The following SLC9A2 variants were observed in gnomAD, a reference collection of about 807,000 sequenced individuals.
SLC9A2 encodes solute carrier family 9 member A2, also known as sodium/hydrogen exchanger 2.
A neutral mutation model predicts 71.7 loss-of-function variants in SLC9A2; 42 were observed. The ratio of observed to expected loss-of-function variants is 0.59; its 90% CI spans 0.46 to 0.76. SLC9A2 has a LOEUF of 0.76. Among genes scored for constraint, SLC9A2 ranks in the 30% least tolerant of loss-of-function variants. The probability of loss-of-function intolerance (pLI) is 0.00; values close to 1 mark genes in which losing one functional copy is unlikely to be tolerated. For synonymous variants in SLC9A2, 396 were observed against 392.5 expected (o/e 1.01, Z -0.10); for missense variants, 829 against 1,017.4 (o/e 0.81, Z 2.52).
intron 2 of SLC9A2, among the ~76,000 whole-genome samples, chr2:102,659,138 G>T (rs1358219090): frequency 6.6e-6 from 1 of 152,038 alleles, no homozygotes; most frequent in African/African-American, 2.4e-5. Context: ...TACATAGTAG[G>T]CCGGGTGCAG....
At chr2:102,650,984 C>T (rs1169778746) in intron 1 of SLC9A2, among the ~76,000 whole-genome samples, 1 of 152,178 alleles carries the variant, frequency 6.6e-6, no homozygotes, top group Non-Finnish European at 1.5e-5. Context: ...TTCTGCCTTC[C>T]TATTGCTTTC....
chr2:102,694,617 A>G, intron 6 of SLC9A2, 114 bp downstream of exon 6: 1 of 481,548 alleles, frequency 2.1e-6, no homozygotes, highest in South Asian at 5.7e-5. Context: ...TGGCAGGGTG[A>G]GAGGGAGGAG....
rs1284938122 is a variant in SLC9A2, at chr2:102,632,130, A to G, written c.289+11993A>G. Among the ~76,000 whole-genome samples the G allele has an allele frequency of 1.6e-3, 151 of 95,534 alleles. 3 individuals carry two copies. The highest frequency in any genetic ancestry group is 6.1e-3 in the African/African-American group (148 of 24,278). The allele number at this position is 95,534 out of a possible 152,430, so 62.7% of individuals were successfully genotyped here. A position where few individuals can be genotyped will look rare whatever the true frequency, so the allele number is the denominator to read the frequency against. On this transcript the variant is annotated intron_variant, in intron 1 of 11. Transcript: ENST00000233969. ...TATATATGTATATATACATATATAC[A>G]TATATATGTATATATACATATATAC... is the stretch of plus-strand genomic sequence containing the variant.
chr2:102,624,806 G>A (rs1422767302), intron 1 of SLC9A2, among the ~76,000 whole-genome samples: 1 of 152,102 alleles, frequency 6.6e-6, no homozygotes, highest in African/African-American at 2.4e-5. Flanking sequence ...ATAATTTTAA[G>A]GGGAAAGATA....
intron 1 of SLC9A2, among the ~76,000 whole-genome samples, chr2:102,641,766 T>C (rs1676585784): frequency 6.6e-6 from 1 of 151,966 alleles, no homozygotes; most frequent in African/African-American, 2.4e-5. Flanking sequence ...CATTTCATGA[T>C]GGTGAGTGCT....
In SLC9A2 at chr2:102,694,240, G is replaced by A. The variant is rs1677711194; in HGVS notation, c.1426-174G>A. 2.0e-5 allele frequency among the ~76,000 whole-genome samples: 3 copies of A among 152,094 alleles called. No homozygotes were observed. In the South Asian group the frequency reaches 6.2e-4, roughly 32 times the overall value. On this transcript the variant is annotated intron_variant, in intron 5 of 11. Coordinates refer to ENST00000233969, the MANE Select transcript of SLC9A2 (RefSeq NM_003048.6). ...AAATTAACAAAAAGTTACATTTACT[G>A]TGTTAAATCTTGGTAGCCAAATATC...
At chr2:102,646,239 G>C (rs536140520) in intron 1 of SLC9A2, among the ~76,000 whole-genome samples, 2 of 152,168 alleles carry the variant, frequency 1.3e-5, no homozygotes, top group Non-Finnish European at 2.9e-5. Context: ...ATCCTTTATA[G>C]ACAAGCAAAT....
chr2:102,634,511 A>T (rs1558702345), intron 1 of SLC9A2, among the ~76,000 whole-genome samples: 2 of 152,218 alleles, frequency 1.3e-5, no homozygotes, highest in Admixed American at 1.3e-4. Flanking sequence ...AAATGTGGAT[A>T]GCCTTGAAGG....
chr2:102,684,192 G>A lies in SLC9A2; in HGVS notation c.1281G>A (p.Lys427=). 5 of 1,614,104 alleles carry A rather than the reference G, an allele frequency of 3.1e-6. No homozygotes were observed. The highest frequency in any genetic ancestry group is 4.2e-6 in the Non-Finnish European group (5 of 1,179,972). The change falls in exon 5 of 12, where the codon AAG becomes AAA. Residue 427 remains lysine, a synonymous_variant. Transcript: ENST00000233969. ...TCCGGACCATTCCCCTGACCTTTAA[G>A]GACCAGTTCATCATTGCCTATGGAG... ...NRFRTIPLTF[K]DQFIIAYGGL...
chr2:102,670,671 C>T (rs575640754), intron 3 of SLC9A2, among the ~76,000 whole-genome samples: 56 of 148,016 alleles, frequency 3.8e-4, no homozygotes, highest in African/African-American at 6.5e-4. Context: ...AAATTTGTAA[C>T]GGGAATTTCC....
In SLC9A2 at chr2:102,688,538, G is replaced by T. The variant is rs187292907; in HGVS notation, c.1425+4202G>T. Among the ~76,000 whole-genome samples, 457 of 152,274 alleles carry T rather than the reference G, an allele frequency of 3.0e-3. 1 individual carries two copies. The highest frequency in any genetic ancestry group is 0.011 in the African/African-American group (437 of 41,570). On this transcript the variant is annotated intron_variant, in intron 5 of 11. Transcript: ENST00000233969. ...AGGTCAGGAGATCAAGACCATTCTG[G>T]CCAACATGGTGAAACCCTGTCTCTA... is the stretch of plus-strand genomic sequence containing the variant.
intron 9 of SLC9A2, among the ~76,000 whole-genome samples, chr2:102,703,342 C>T (rs1677910960): frequency 6.6e-6 from 1 of 152,198 alleles, no homozygotes; most frequent in African/African-American, 2.4e-5. Context: ...ATCTGCCTCA[C>T]CCATCTGCTC....
At chr2:102,684,024 C>T in intron 4 of SLC9A2, 110 bp from the exon 5 acceptor site, 1 of 754,172 alleles carries the variant, frequency 1.3e-6, no homozygotes, top group African/African-American at 1.8e-5. Flanking sequence ...ACTTTGGGGC[C>T]TATTCTTAAA....
intron 1 of SLC9A2, among the ~76,000 whole-genome samples, chr2:102,636,073 C>T (rs1327018192): frequency 6.6e-6 from 1 of 151,960 alleles, no homozygotes; most frequent in African/African-American, 2.4e-5. Flanking sequence ...TTTAATGGAA[C>T]GTAATAATTA....
chr2:102,656,838 T>C (rs936314824), intron 1 of SLC9A2, among the ~76,000 whole-genome samples: 2 of 152,202 alleles, frequency 1.3e-5, no homozygotes, highest in Admixed American at 1.3e-4. Flanking sequence ...CCTTGCCTAC[T>C]CATTAGGGTT....
At chr2:102,684,057 C>G in intron 4 of SLC9A2, 77 bp from the exon 5 acceptor site, 1 of 1,063,830 alleles carries the variant, frequency 9.4e-7, no homozygotes, top group Non-Finnish European at 1.4e-6. Context: ...ATCGCAGAAG[C>G]ACAGAAAATG....
intron 3 of SLC9A2, among the ~76,000 whole-genome samples, chr2:102,669,411 A>C (rs1323605397): frequency 6.6e-6 from 1 of 152,142 alleles, no homozygotes; most frequent in Non-Finnish European, 1.5e-5. Flanking sequence ...TCTATACTGG[A>C]ATAAATTGTG....
At chr2:102,643,445 C>A (rs532473811) in intron 1 of SLC9A2, among the ~76,000 whole-genome samples, 1 of 152,270 alleles carries the variant, frequency 6.6e-6, no homozygotes, top group East Asian at 1.9e-4. Context: ...GTGAGGTTGA[C>A]TCTTCCCTAT....
Position 102,619,659 on chromosome 2 carries a change from G to T in SLC9A2, c.-190G>T, listed in dbSNP as rs1297406505. 2 of 472,826 alleles carry T rather than the reference G, an allele frequency of 4.2e-6. No homozygotes were observed. The highest frequency in any genetic ancestry group is 4.1e-5 in the African/African-American group (2 of 48,980). 29.3% of individuals were successfully genotyped at this position (472,826 alleles called of 1,614,324 possible). The stretch of plus-strand genomic sequence containing the variant: ...CGTCGCCCTGCACGTGCCTCGCCAG[G>T]CAGTGCGCCTGCTCGCAGCGAGGAC... On this transcript the variant is annotated 5_prime_UTR_variant, in exon 1 of 12. Coordinates refer to ENST00000233969, the MANE Select transcript of SLC9A2 (RefSeq NM_003048.6). This position sits in a 1 kb window ranked among gnomAD's most constrained non-coding sequence, Gnocchi z 4.3.
Sources: allele counts gnomAD v4.1 joint callset (sites outside exome capture counted in the v4.1 genomes callset), GRCh38; gene constraint gnomAD v4.1.1; non-coding constraint Gnocchi (gnomAD v3.1); transcripts MANE v1.5; gene names NCBI Gene and HGNC (gene_info 2026-07-23, HGNC 2026-07-21).